HDAC9: variants seen among roughly 807,000 people sequenced by gnomAD.
HDAC9 encodes the protein histone deacetylase 9.
Under a neutral mutation model 139.4 loss-of-function variants are expected in HDAC9, and 41 were observed. The observed-to-expected ratio is 0.29, with a 90% CI of 0.23 to 0.38. The LOEUF (loss-of-function observed/expected upper bound fraction) is 0.38, where lower values mean the gene tolerates loss of function less well. Ranked by LOEUF, HDAC9 falls within the 10% of genes least tolerant of loss-of-function variation. The probability of loss-of-function intolerance (pLI) is 1.00; values close to 1 mark genes in which losing one functional copy is unlikely to be tolerated. For missense variants in HDAC9, 1,147 were observed against 1,297.0 expected (o/e 0.88, Z 1.78); for synonymous variants, 517 against 476.2 (o/e 1.09, Z -1.12).
intron 2 of HDAC9, among the ~76,000 whole-genome samples, chr7:18,279,588 C>T (rs1006419709): frequency 6.6e-6 from 1 of 152,090 alleles, no homozygotes; most frequent in African/African-American, 2.4e-5. Context: ...GCCTCAGCCT[C>T]CTGAGTAGCT....
At chr7:18,554,762 C>T (rs1818280614) in intron 2 of HDAC9, among the ~76,000 whole-genome samples, 1 of 152,162 alleles carries the variant, frequency 6.6e-6, no homozygotes, top group African/African-American at 2.4e-5. Context: ...GTTATACCTT[C>T]CAAGAAGCCC....
intron 6 of HDAC9, among the ~76,000 whole-genome samples, chr7:18,599,592 C>T (rs537456718): frequency 6.6e-6 from 1 of 152,190 alleles, no homozygotes; most frequent in Admixed American, 6.5e-5. Flanking sequence ...TGGCAGTATG[C>T]ATTTAAGATT....
At chr7:18,873,711 T>C (rs1404369598) in intron 21 of HDAC9, among the ~76,000 whole-genome samples, 2 of 152,306 alleles carry the variant, frequency 1.3e-5, no homozygotes, top group East Asian at 3.9e-4. Flanking sequence ...GATGGCATAC[T>C]GGTCTTCAAG....
chr7:18,189,267 C>G (rs1196366725), intron 2 of HDAC9, among the ~76,000 whole-genome samples: 3 of 151,704 alleles, frequency 2.0e-5, no homozygotes, highest in African/African-American at 7.3e-5. Flanking sequence ...ACCGCATGTT[C>G]TCACTCGTAA....
intron 1 of HDAC9, among the ~76,000 whole-genome samples, chr7:18,136,713 A>T (rs1785447774): frequency 6.6e-6 from 1 of 151,328 alleles, no homozygotes; most frequent in African/African-American, 2.4e-5. Flanking sequence ...GTAGCCTTGT[A>T]GTATAGTTTG....
At chr7:18,988,662 G>A (rs1401364879) in intron 25 of HDAC9, among the ~76,000 whole-genome samples, 1 of 151,920 alleles carries the variant, frequency 6.6e-6, no homozygotes, top group Non-Finnish European at 1.5e-5. Flanking sequence ...TGACAGTGGG[G>A]TGTTAAAGTC....
chr7:18,703,767 C>G (rs1315948876), intron 12 of HDAC9, among the ~76,000 whole-genome samples: 6 of 151,556 alleles, frequency 4.0e-5, no homozygotes, highest in Non-Finnish European at 7.4e-5. Flanking sequence ...CAATCCCCAT[C>G]CCTGTCCCCC....
chr7:18,593,071 T>G (rs564046943), intron 5 of HDAC9, among the ~76,000 whole-genome samples: 34 of 152,204 alleles, frequency 2.2e-4, no homozygotes, highest in African/African-American at 7.5e-4. Flanking sequence ...CCACAAACGA[T>G]TAATTTATAG....
At chr7:18,093,783 G>A (rs1782323450) in intron 1 of HDAC9, among the ~76,000 whole-genome samples, 1 of 151,988 alleles carries the variant, frequency 6.6e-6, no homozygotes, top group African/African-American at 2.4e-5. Context: ...TTCTTCCTTT[G>A]TTCTTCTATT....
chr7:18,811,137 C>T (rs1161945259), intron 17 of HDAC9, among the ~76,000 whole-genome samples: 1 of 151,664 alleles, frequency 6.6e-6, no homozygotes, highest in African/African-American at 2.4e-5. Context: ...TTTGTGCCTA[C>T]ATTTTATTTG....
At chr7:18,529,114 T>A (rs1227054665) in intron 2 of HDAC9, among the ~76,000 whole-genome samples, 1 of 151,596 alleles carries the variant, frequency 6.6e-6, no homozygotes, top group East Asian at 1.9e-4. Flanking sequence ...CTAAACAAAA[T>A]AACAATGAGT....
chr7:18,955,734 G>A (rs1437398786), intron 24 of HDAC9, among the ~76,000 whole-genome samples: 1 of 152,078 alleles, frequency 6.6e-6, no homozygotes, highest in African/African-American at 2.4e-5. Flanking sequence ...TAGACAAGGG[G>A]CGGTCTGTTT....
At chr7:18,387,952 A>AT (rs1786096910) in intron 1 of HDAC9, among the ~76,000 whole-genome samples, 1 of 151,970 alleles carries the variant, frequency 6.6e-6, no homozygotes, top group Non-Finnish European at 1.5e-5. Flanking sequence ...AGAAAAAAAA[A>AT]AGAAAAAAGC....
At chr7:18,108,164 C>T (rs1482239404) in intron 1 of HDAC9, among the ~76,000 whole-genome samples, 1 of 152,076 alleles carries the variant, frequency 6.6e-6, no homozygotes, top group African/African-American at 2.4e-5. Context: ...GAGGGCTCTT[C>T]TAGGGGGTGT....
chr7:18,486,027 C>T (rs1406344783), intron 1 of HDAC9, among the ~76,000 whole-genome samples: 1 of 152,096 alleles, frequency 6.6e-6, no homozygotes, highest in Non-Finnish European at 1.5e-5. Flanking sequence ...GTAAGGGCAT[C>T]TTGTGTGGCC....
chr7:18,709,350 T>A (rs1021668816), intron 12 of HDAC9, among the ~76,000 whole-genome samples: 4 of 152,174 alleles, frequency 2.6e-5, no homozygotes, highest in Non-Finnish European at 5.9e-5. Context: ...TCTAGCTTCA[T>A]CCATGTCCCT....
At chr7:18,809,250 T>G (rs1793978224) in intron 17 of HDAC9, among the ~76,000 whole-genome samples, 1 of 152,008 alleles carries the variant, frequency 6.6e-6, no homozygotes, top group Admixed American at 6.6e-5. Flanking sequence ...GAGGAAAACT[T>G]AGGGAAACCC....
chr7:18,552,420 C>T (rs1484847308), intron 2 of HDAC9, among the ~76,000 whole-genome samples: 1 of 151,604 alleles, frequency 6.6e-6, no homozygotes, highest in African/African-American at 2.4e-5. Flanking sequence ...ACAGTACCCA[C>T]AAATTACTGC....
intron 1 of HDAC9, among the ~76,000 whole-genome samples, chr7:18,098,910 G>T (rs1229232473): frequency 6.6e-6 from 1 of 152,114 alleles, no homozygotes; most frequent in Non-Finnish European, 1.5e-5. Context: ...TGAGAAGCTA[G>T]TACTGCTTTG....
Sources: gnomAD v4.1 joint callset for allele counts (sites outside exome capture counted in the v4.1 genomes callset) on GRCh38, gnomAD v4.1.1 for gene constraint, MANE v1.5 for transcripts, NCBI Gene and HGNC (gene_info 2026-07-23, HGNC 2026-07-21) for gene names.